Variants in ZNF623 observed in about 807,000 individuals in gnomAD.
ZNF623 encodes the protein zinc finger protein 623.
ZNF623 carries 16 observed loss-of-function variants against 24.0 expected under a neutral mutation model. The ratio of observed to expected loss-of-function variants is 0.67; its 90% CI spans 0.45 to 1.01. ZNF623 has a LOEUF of 1.01. Among genes scored for constraint, ZNF623 ranks in the 50% least tolerant of loss-of-function variants. ZNF623 has a pLI of 0.00. For synonymous variants in ZNF623, 224 were observed against 219.8 expected (o/e 1.02, Z -0.17); for missense variants, 566 against 606.5 (o/e 0.93, Z 0.70).
At chr8:143,641,974 C>T (rs190773628) in intron 1 of ZNF623, among the ~76,000 whole-genome samples, 2 of 152,354 alleles carry the variant, frequency 1.3e-5, no homozygotes, top group African/African-American at 4.8e-5. Context: ...ACGTCACCAG[C>T]TGCATTCGCC....
Position 143,650,977 on chromosome 8 carries a change from C to A in ZNF623, c.985C>A (p.His329Asn). 1 of 1,614,120 alleles carries A rather than the reference C, an allele frequency of 6.2e-7. No individual in the cohort carries two copies. The highest frequency in any genetic ancestry group is 8.5e-7 in the Non-Finnish European group (1 of 1,180,036). The change falls in exon 2 of 2, where the codon CAC becomes AAC. Residue 329 changes from histidine (H) to asparagine (N), a missense_variant. Physicochemically the swap from His to Asn is moderately conservative, Grantham distance 68. Around this residue, in one of 3 missense-constraint regions of ZNF623, gnomAD observed 117 missense variants for 174.2 expected, o/e 0.67. Transcript: ENST00000526926. This position sits in a 1 kb window ranked among gnomAD's most constrained non-coding sequence, Gnocchi z 5.2. Reference protein sequence around the residue: ...TSNFTQHQRIHTGEKLYECNE... With the variant: ...TSNFTQHQRINTGEKLYECNE... Reference sequence around the variant, plus strand: ...AAACTTCACCCAGCATCAGAGAATTCACACTGGAGAGAAACTCTATGAATG... The same window carrying A: ...AAACTTCACCCAGCATCAGAGAATTAACACTGGAGAGAAACTCTATGAATG...
intron 1 of ZNF623, among the ~76,000 whole-genome samples, chr8:143,640,926 G>A (rs1282114310): frequency 7.7e-6 from 1 of 130,680 alleles, no homozygotes; most frequent in African/African-American, 2.9e-5. Flanking sequence ...GGGAACGAGA[G>A]TGAAACTCTG....
Position 143,651,984 on chromosome 8 carries a change from CCTGCCTCCCA to C in ZNF623, c.*508_*517del, listed in dbSNP as rs934199793. On this transcript the variant is annotated 3_prime_UTR_variant, in exon 2 of 2. Coordinates refer to ENST00000526926, the MANE Select transcript of ZNF623 (RefSeq NM_001261843.2). ...CCTAAGGCCTCCTGCGTCCTGGAGC[CCTGCCTCCCA>C]CTGCCTGACTTCCTGCCACACGGTT... 2 of 168,306 alleles carry C rather than the reference CCTGCCTCCCA, an allele frequency of 1.2e-5. No homozygotes were observed. Among genetic ancestry groups the C allele is most frequent in the African/African-American group, 4.8e-5 (2 of 41,470 alleles). 10.4% of individuals were successfully genotyped at this position (168,306 alleles called of 1,614,324 possible).
At chr8:143,637,896 T>C (rs1378851630) in intron 1 of ZNF623, among the ~76,000 whole-genome samples, 2 of 152,144 alleles carry the variant, frequency 1.3e-5, no homozygotes, top group African/African-American at 2.4e-5. Context: ...AGGAGATGGG[T>C]CCATGCTAGT....
At chr8:143,647,072 T>C (rs1235663543) in intron 1 of ZNF623, among the ~76,000 whole-genome samples, 2 of 152,156 alleles carry the variant, frequency 1.3e-5, no homozygotes, top group Admixed American at 6.5e-5. Context: ...GACTTATGAT[T>C]GGTCAAGTGG....
chr8:143,641,255 C>G (rs1437130136), intron 1 of ZNF623, among the ~76,000 whole-genome samples: 2 of 152,172 alleles, frequency 1.3e-5, no homozygotes, highest in Non-Finnish European at 2.9e-5. Context: ...TTGCCCAGAT[C>G]CATCAGAGGA....
chr8:143,651,338 G>T lies in ZNF623; in HGVS notation c.1346G>T (p.Cys449Phe). Residue 449 changes from cysteine (C) to phenylalanine (F), a missense_variant, in exon 2 of 2, where the codon TGT becomes TTT. Physicochemically the swap from Cys to Phe is radical, Grantham distance 205. This residue lies in a region of ZNF623 where 136 missense variants were observed against 131.9 expected (regional missense o/e 1.03). Transcript: ENST00000526926. ...KIHTEEKLYE[C>F]SQYGRDFNST... is the part of the protein sequence containing the mutation. The stretch of plus-strand genomic sequence containing the variant: ...CATACTGAAGAGAAGCTCTATGAAT[G>T]TAGTCAGTATGGGAGAGATTTTAAC... 6.2e-7 allele frequency: 1 copy of T among 1,614,210 alleles called. No individual in the cohort carries two copies. The highest frequency in any genetic ancestry group is 1.1e-5 in the South Asian group (1 of 91,078).
Position 143,645,025 on chromosome 8 carries a change from G to C in ZNF623, c.-95-4873G>C, listed in dbSNP as rs1182129866. 1.3e-5 allele frequency among the ~76,000 whole-genome samples: 2 copies of C among 152,126 alleles called. 1 individual carries two copies. Among genetic ancestry groups the C allele is most frequent in the Middle Eastern group, 6.3e-3 (2 of 316 alleles). ...AGCCTATAATCCCAGCTACTTGGGA[G>C]GCTGAGGCAGGAGAATCGCTGGAAC... On this transcript the variant is annotated intron_variant, in intron 1 of 1. Transcript: ENST00000526926.
At chr8:143,645,226 A>G (rs188750577) in intron 1 of ZNF623, among the ~76,000 whole-genome samples, 1,935 of 152,128 alleles carry the variant, frequency 0.013, 37 homozygotes, top group Non-Finnish European at 0.014. Context: ...GGCGGATCAC[A>G]AGGTCAGGAG....
At chr8:143,639,674 T>C (rs1052259113) in intron 1 of ZNF623, among the ~76,000 whole-genome samples, 2 of 152,230 alleles carry the variant, frequency 1.3e-5, no homozygotes, top group Non-Finnish European at 2.9e-5. Flanking sequence ...TTTATCATCA[T>C]GGGGAGAATT....
intron 1 of ZNF623, among the ~76,000 whole-genome samples, chr8:143,640,650 C>G (rs1815027460): frequency 6.6e-6 from 1 of 152,092 alleles, no homozygotes; most frequent in African/African-American, 2.4e-5. Flanking sequence ...CTCTAAGAAG[C>G]AACACCTCAG....
intron 1 of ZNF623, among the ~76,000 whole-genome samples, chr8:143,647,760 G>A (rs191289988): frequency 4.6e-4 from 70 of 152,320 alleles, no homozygotes; most frequent in African/African-American, 1.2e-3. Flanking sequence ...ATTTTAAAGC[G>A]TAATTCTGCT....
intron 1 of ZNF623, among the ~76,000 whole-genome samples, chr8:143,640,958 A>G (rs1410698610): frequency 6.6e-6 from 1 of 150,514 alleles, no homozygotes; most frequent in African/African-American, 2.5e-5. Context: ...AAAAAAAAAA[A>G]AAAAAAAAAA....
intron 1 of ZNF623, among the ~76,000 whole-genome samples, chr8:143,648,074 G>A (rs1815213220): frequency 6.6e-6 from 1 of 152,236 alleles, no homozygotes; most frequent in South Asian, 2.1e-4. Context: ...GTTGGGTGAG[G>A]AGCTGGTCAG....
chr8:143,648,871 G>A (rs1272617312), intron 1 of ZNF623, among the ~76,000 whole-genome samples: 1 of 152,010 alleles, frequency 6.6e-6, no homozygotes, highest in Admixed American at 6.6e-5. Flanking sequence ...GGAGGAGGGA[G>A]TGCTGAGTTT....
At chr8:143,649,423 A>AG (rs1418917358) in intron 1 of ZNF623, among the ~76,000 whole-genome samples, 1 of 152,152 alleles carries the variant, frequency 6.6e-6, no homozygotes, top group Non-Finnish European at 1.5e-5. Context: ...TCTGTGCAGG[A>AG]GGGTGATTCT....
At chr8:143,644,033 T>C (rs750137748) in intron 1 of ZNF623, among the ~76,000 whole-genome samples, 9 of 152,140 alleles carry the variant, frequency 5.9e-5, no homozygotes, top group Non-Finnish European at 1.2e-4. Flanking sequence ...TTGTTTTTTA[T>C]TTTTTGAGAT....
chr8:143,651,269 A>G lies in ZNF623; in HGVS notation c.1277A>G (p.Lys426Arg). 1 of 1,614,226 alleles carries G rather than the reference A, an allele frequency of 6.2e-7. No individual in the cohort carries two copies. The highest frequency in any genetic ancestry group is 8.5e-7 in the Non-Finnish European group (1 of 1,180,036). The change falls in exon 2 of 2, where the codon AAA becomes AGA. Residue 426 changes from lysine to arginine, a missense_variant. Transcript: ENST00000526926. Reference protein sequence around the residue: ...EKPYVCSYCGKGFIQRSNFLQ... With the variant: ...EKPYVCSYCGRGFIQRSNFLQ... Reference sequence around the variant, plus strand: ...CCCTATGTGTGCAGTTATTGTGGGAAAGGCTTTATTCAGAGGTCAAACTTC... The same window carrying G: ...CCCTATGTGTGCAGTTATTGTGGGAGAGGCTTTATTCAGAGGTCAAACTTC...
intron 1 of ZNF623, among the ~76,000 whole-genome samples, chr8:143,643,808 A>C (rs1815113313): frequency 6.6e-6 from 1 of 151,926 alleles, no homozygotes; most frequent in East Asian, 1.9e-4. Flanking sequence ...CTGTGCTTTT[A>C]TGTGTGGCAG....
Sources: allele counts gnomAD v4.1 joint callset (sites outside exome capture counted in the v4.1 genomes callset), GRCh38; gene constraint gnomAD v4.1.1; regional missense constraint gnomAD v4.1.1; non-coding constraint Gnocchi (gnomAD v3.1); transcripts MANE v1.5; gene names NCBI Gene and HGNC (gene_info 2026-07-23, HGNC 2026-07-21).